CAMK2B: variants seen among roughly 807,000 people sequenced by gnomAD.
CAMK2B encodes the protein calcium/calmodulin dependent protein kinase II beta.
A neutral mutation model predicts 93.7 loss-of-function variants in CAMK2B; 27 were observed. The observed-to-expected ratio is 0.29, with a 90% CI of 0.21 to 0.40. CAMK2B has a LOEUF of 0.40. Among genes scored for constraint, CAMK2B ranks in the 10% least tolerant of loss-of-function variants. The pLI, the probability that CAMK2B is intolerant of heterozygous loss-of-function variation, is 1.00. For synonymous variants in CAMK2B, 374 were observed against 358.8 expected, an observed-to-expected ratio of 1.04 and a Z score of -0.48; for missense variants, 568 against 895.8, an observed-to-expected ratio of 0.63 and a Z score of 4.67.
intron 5 of CAMK2B, among the ~76,000 whole-genome samples, chr7:44,250,147 G>A (rs998721847): frequency 2.0e-5 from 3 of 152,254 alleles, no homozygotes; most frequent in Non-Finnish European, 4.4e-5. Flanking sequence ...CAGCAGGGTA[G>A]GTGGGATGGG....
At chr7:44,253,529 A>G (rs1166343341) in intron 5 of CAMK2B, among the ~76,000 whole-genome samples, 1 of 152,180 alleles carries the variant, frequency 6.6e-6, no homozygotes, top group Admixed American at 6.5e-5. Flanking sequence ...GAGTTTTTAA[A>G]TAGACAAAGA....
rs1031330002 is a variant in CAMK2B at position 44,224,580 on chromosome 7, C to G, written c.1597+1936G>C. Among the ~76,000 whole-genome samples the G allele has an allele frequency of 2.0e-5, 3 of 152,200 alleles. No individual in the cohort carries two copies. The highest frequency in any genetic ancestry group is 4.4e-5 in the Non-Finnish European group (3 of 67,984). Reference sequence around the variant, plus strand: ...CTGTGGCTCTCTTGGGGTGAGGCAACAGGTCCAGGCAGGCCTAATGCGTCC... The same window carrying G: ...CTGTGGCTCTCTTGGGGTGAGGCAAGAGGTCCAGGCAGGCCTAATGCGTCC... On this transcript the variant is annotated intron_variant, in intron 20 of 23. Coordinates refer to ENST00000395749, the MANE Select transcript of CAMK2B (RefSeq NM_001220.5). The surrounding 1 kb of genome is among the most constrained non-coding windows in gnomAD (Gnocchi z 4.4).
In CAMK2B at chr7:44,261,212, C is replaced by T. The variant is rs146564854; in HGVS notation, c.220+1793G>A. Among the ~76,000 whole-genome samples the T allele has an allele frequency of 4.3e-3, 648 of 152,370 alleles. 6 individuals carry two copies. The highest frequency in any genetic ancestry group is 0.015 in the African/African-American group (626 of 41,582). Reference sequence around the variant, plus strand: ...CTCTGGAGTTAAAAAGCTCACCCCTCCCCACTCCTTTCCAGTGGGGGCTGC... The same window carrying T: ...CTCTGGAGTTAAAAAGCTCACCCCTTCCCACTCCTTTCCAGTGGGGGCTGC... On this transcript the variant is annotated intron_variant, in intron 3 of 23. Coordinates refer to ENST00000395749, the MANE Select transcript of CAMK2B (RefSeq NM_001220.5).
At chr7:44,262,857 T>C in intron 3 of CAMK2B, 148 bp downstream of exon 3, 3 of 642,538 alleles carry the variant, frequency 4.7e-6, no homozygotes, top group Non-Finnish European at 7.9e-6. Context: ...AGAGGGGGCG[T>C]CCTCAGGGGC....
At chr7:44,241,615 C>T (rs2096679497) in intron 11 of CAMK2B, 85 bp downstream of exon 11, 1 of 1,071,520 alleles carries the variant, frequency 9.3e-7, no homozygotes, top group Non-Finnish European at 1.4e-6. Context: ...CTAGGTCTGC[C>T]CAGACCCCCC....
At chr7:44,279,394 G>C (rs2097083071) in intron 2 of CAMK2B, among the ~76,000 whole-genome samples, 1 of 152,250 alleles carries the variant, frequency 6.6e-6, no homozygotes, top group Admixed American at 6.5e-5. Flanking sequence ...CGGAGGGCCT[G>C]TGTACAACTC....
chr7:44,220,981 C>T (rs909424109), intron 20 of CAMK2B, 80 bp from the exon 21 acceptor site: 4 of 1,229,342 alleles, frequency 3.3e-6, no homozygotes, highest in African/African-American at 1.5e-5. Flanking sequence ...AGGGGAGGGC[C>T]TGGGGGAGCG....
Position 44,311,411 on chromosome 7 carries a change from T to C in CAMK2B, c.65+13946A>G, listed in dbSNP as rs773616813. Among the ~76,000 whole-genome samples, 1 of 152,222 alleles carries C rather than the reference T, an allele frequency of 6.6e-6. No individual in the cohort carries two copies. Among genetic ancestry groups the C allele is most frequent in the Non-Finnish European group, 1.5e-5 (1 of 68,032 alleles). On this transcript the variant is annotated intron_variant, in intron 1 of 23. Transcript: ENST00000395749. This position sits in a 1 kb window ranked among gnomAD's most constrained non-coding sequence, Gnocchi z 4.2. ...TTTAAGAAGAACTCCTTTATCACCA[T>C]GTGGCAAATCAAATTCTTAACCTCT...
rs187359268 is a variant in CAMK2B, at chr7:44,243,212, C to T, written c.601+38G>A. The T allele has an allele frequency of 1.4e-4, 209 of 1,512,390 alleles. No homozygotes were observed. The East Asian group carries it at 3.3e-3, about 24-fold the overall frequency. 93.7% of individuals were successfully genotyped at this position (1,512,390 alleles called of 1,614,324 possible). On this transcript the variant is annotated intron_variant, in intron 8 of 23. Transcript: ENST00000395749. ...TGTAGGTGGGAAGTCCTGAAACACC[C>T]GAGGCCCTGCCCCGCACCAACTCAG... is the stretch of plus-strand genomic sequence containing the variant.
chr7:44,218,005 TG>T lies in CAMK2B; in HGVS notation c.*1519del, dbSNP rs1489175663. The T allele has an allele frequency of 6.6e-6, 1 of 152,438 alleles. No individual in the cohort carries two copies. Among genetic ancestry groups the T allele is most frequent in the Non-Finnish European group, 1.5e-5 (1 of 68,242 alleles). 9.4% of individuals were successfully genotyped at this position (152,438 alleles called of 1,614,324 possible). ...CGCTCAGGAGCACAGGGCTAGACCC[TG>T]CCCTCCATCCGCTGGTGTCCTGGGC... On this transcript the variant is annotated 3_prime_UTR_variant, in exon 24 of 24. Transcript: ENST00000395749.
Position 44,217,308 on chromosome 7 carries a change from T to TG in CAMK2B, c.*2216dup, listed in dbSNP as rs1023908632. 1 of 152,126 alleles carries TG rather than the reference T, an allele frequency of 6.6e-6. No homozygotes were observed. The highest frequency in any genetic ancestry group is 1.5e-5 in the Non-Finnish European group (1 of 68,002). 9.4% of individuals were successfully genotyped at this position (152,126 alleles called of 1,614,324 possible). ...CCAGCACCGTGGGCAGCCGACCCCT[T>TG]GCAGCGCTGGCCAGCGGCCGCCACC... On this transcript the variant is annotated 3_prime_UTR_variant, in exon 24 of 24. Transcript: ENST00000395749.
At chr7:44,280,748 C>T (rs562668412) in intron 2 of CAMK2B, among the ~76,000 whole-genome samples, 4 of 152,278 alleles carry the variant, frequency 2.6e-5, no homozygotes, top group African/African-American at 7.2e-5. Flanking sequence ...CAGAACATCA[C>T]ACAGCAGTGG....
intron 2 of CAMK2B, among the ~76,000 whole-genome samples, chr7:44,278,603 G>T (rs1231168187): frequency 2.0e-5 from 3 of 152,224 alleles, no homozygotes; most frequent in African/African-American, 7.2e-5. Flanking sequence ...ACAGGACAGA[G>T]CACCCAGACT....
At chr7:44,283,847 A>G (rs111705459) in intron 2 of CAMK2B, among the ~76,000 whole-genome samples, 9 of 152,342 alleles carry the variant, frequency 5.9e-5, no homozygotes, top group African/African-American at 1.9e-4. Context: ...CAACCTAACC[A>G]GAGCACAAAG....
chr7:44,296,462 T>C (rs181075219), intron 1 of CAMK2B, among the ~76,000 whole-genome samples: 132 of 151,714 alleles, frequency 8.7e-4, no homozygotes, highest in African/African-American at 3.1e-3. Context: ...ACAAAAGATA[T>C]AAACACATGT....
At chr7:44,317,639 C>A (rs938057521) in intron 1 of CAMK2B, among the ~76,000 whole-genome samples, 1 of 118,086 alleles carries the variant, frequency 8.5e-6, no homozygotes, top group Non-Finnish European at 2.0e-5. Flanking sequence ...GTTCCTTTCA[C>A]CTGTTTCTTT....
intron 1 of CAMK2B, among the ~76,000 whole-genome samples, chr7:44,297,714 G>A (rs1331360129): frequency 6.6e-6 from 1 of 151,176 alleles, no homozygotes; most frequent in Non-Finnish European, 1.5e-5. Flanking sequence ...TTTTTTGCAG[G>A]GAAAAAAAAA....
intron 16 of CAMK2B, among the ~76,000 whole-genome samples, chr7:44,232,178 G>A (rs2096585852): frequency 8.2e-6 from 1 of 121,862 alleles, no homozygotes; most frequent in Non-Finnish European, 1.7e-5. Flanking sequence ...CCAGAAGGAA[G>A]TGGGGGGTCC....
Position 44,225,434 on chromosome 7 carries a change from C to T in CAMK2B, c.1597+1082G>A, listed in dbSNP as rs1237944898. Among the ~76,000 whole-genome samples, 1 of 152,122 alleles carries T rather than the reference C, an allele frequency of 6.6e-6. No individual in the cohort carries two copies. Among genetic ancestry groups the T allele is most frequent in the African/African-American group, 2.4e-5 (1 of 41,424 alleles). ...TCCTTGAGTTCTGGTCGCCCAGGCA[C>T]CCCGACCCTATCAGCATCAAGAACC... On this transcript the variant is annotated intron_variant, in intron 20 of 23. Coordinates refer to ENST00000395749, the MANE Select transcript of CAMK2B (RefSeq NM_001220.5). The surrounding 1 kb of genome is among the most constrained non-coding windows in gnomAD (Gnocchi z 5.0).
Sources: allele counts gnomAD v4.1 joint callset (sites outside exome capture counted in the v4.1 genomes callset), GRCh38; gene constraint gnomAD v4.1.1; non-coding constraint Gnocchi (gnomAD v3.1); transcripts MANE v1.5; gene names NCBI Gene and HGNC (gene_info 2026-07-23, HGNC 2026-07-21).